Variants in PRDM11 observed in about 807,000 individuals in gnomAD.
The protein encoded by PRDM11 is PR/SET domain 11, also known as PR domain-containing protein 11.
Under a neutral mutation model 97.8 loss-of-function variants are expected in PRDM11, and 20 were observed. The observed-to-expected ratio is 0.20, with a 90% CI of 0.14 to 0.30. The LOEUF is 0.30. PRDM11 is among the 10% of genes least tolerant of loss of function. The probability of loss-of-function intolerance (pLI) is 1.00; values close to 1 mark genes in which losing one functional copy is unlikely to be tolerated. For synonymous variants in PRDM11, 599 were observed against 637.7 expected, an observed-to-expected ratio of 0.94 and a Z score of 0.91; for missense variants, 1,139 against 1,555.2, an observed-to-expected ratio of 0.73 and a Z score of 4.50.
rs1395428644 is a variant in PRDM11 at position 45,230,593 on chromosome 11, G to A, written c.*2434G>A. 1 of 152,270 alleles carries A rather than the reference G, an allele frequency of 6.6e-6. No individual in the cohort carries two copies. Among genetic ancestry groups the A allele is most frequent in the Admixed American group, 6.5e-5 (1 of 15,288 alleles). The allele number at this position is 152,270 out of a possible 1,614,324, so 9.4% of individuals were successfully genotyped here. On this transcript the variant is annotated 3_prime_UTR_variant, in exon 8 of 8. Coordinates refer to ENST00000683152, the MANE Select transcript of PRDM11 (RefSeq NM_001384648.1). ...ACACGCAAACTGCTGTGTCTGGGGA[G>A]TTTTCACTGAACATTGCAGAGACTA...
At chr11:45,173,099 A>G (rs902268645) in intron 1 of PRDM11, among the ~76,000 whole-genome samples, 1 of 152,212 alleles carries the variant, frequency 6.6e-6, no homozygotes. Context: ...ATTAAAGGCC[A>G]GGTTCCTGAT....
At position 45,226,576 on chromosome 11, in the gene PRDM11, C is replaced by T. The variant is rs771894982; in HGVS notation, c.1951C>T (p.Arg651Cys). Residue 651 changes from arginine to cysteine, a missense_variant, in exon 8 of 8, where the codon CGC (arginine) becomes TGC (cysteine). By Grantham distance (180) the Arg-to-Cys change is radical. Transcript: ENST00000683152. ...ARALREDLVE[R>C]IRQSPCLSVI... ...GGCCCTGCGGGAAGACCTGGTGGAGCGCATCCGCCAGTCACCTTGCCTCAG... is the reference window on the plus strand; with the variant it reads ...GGCCCTGCGGGAAGACCTGGTGGAGTGCATCCGCCAGTCACCTTGCCTCAG... 1 of 1,533,938 alleles carries T rather than the reference C, an allele frequency of 6.5e-7. No homozygotes were observed. The highest frequency in any genetic ancestry group is 8.7e-7 in the Non-Finnish European group (1 of 1,146,726).
intron 1 of PRDM11, among the ~76,000 whole-genome samples, chr11:45,096,245 T>G (rs767325432): frequency 3.9e-5 from 6 of 152,208 alleles, no homozygotes; most frequent in African/African-American, 1.4e-4. Flanking sequence ...ACCTGGCACA[T>G]AGTAAATGCT....
At chr11:45,115,711 C>T (rs1269657436) in intron 1 of PRDM11, among the ~76,000 whole-genome samples, 1 of 151,980 alleles carries the variant, frequency 6.6e-6, no homozygotes, top group African/African-American at 2.4e-5. Context: ...GGGTGGATCA[C>T]CTGACGTCAG....
intron 1 of PRDM11, among the ~76,000 whole-genome samples, chr11:45,164,177 G>A (rs940144582): frequency 7.9e-5 from 12 of 152,220 alleles, no homozygotes; most frequent in African/African-American, 1.9e-4. Flanking sequence ...AGCACCCCGC[G>A]GGTCCCCGGT....
intron 4 of PRDM11, among the ~76,000 whole-genome samples, chr11:45,194,417 G>A (rs1220038540): frequency 6.6e-6 from 1 of 152,014 alleles, no homozygotes; most frequent in African/African-American, 2.4e-5. Flanking sequence ...GTTGAACTAG[G>A]CTCTCTGAAC....
At position 45,226,429 on chromosome 11, in the gene PRDM11, G is replaced by A; in HGVS notation, c.1804G>A (p.Glu602Lys). The A allele has an allele frequency of 6.5e-7, 1 of 1,534,000 alleles. No individual in the cohort carries two copies. Among genetic ancestry groups the A allele is most frequent in the Non-Finnish European group, 8.7e-7 (1 of 1,146,748 alleles). Residue 602 changes from glutamate (E) to lysine (K), a missense_variant, in exon 8 of 8, where the codon GAG becomes AAG. Coordinates refer to ENST00000683152, the MANE Select transcript of PRDM11 (RefSeq NM_001384648.1). ...LFNTAYHLAL[E>K]GRPYLDFRPL... ...CAACACCGCCTACCACCTGGCCTTGGAGGGCAGGCCCTACCTGGACTTCCG... is the reference window on the plus strand; with the variant it reads ...CAACACCGCCTACCACCTGGCCTTGAAGGGCAGGCCCTACCTGGACTTCCG...
chr11:45,169,672 G>T (rs1220999578), intron 1 of PRDM11, among the ~76,000 whole-genome samples: 1 of 152,070 alleles, frequency 6.6e-6, no homozygotes, highest in African/African-American at 2.4e-5. Context: ...AGAACACTAG[G>T]CATAAATGGG....
At chr11:45,217,667 G>A (rs1304319860) in intron 5 of PRDM11, among the ~76,000 whole-genome samples, 1 of 152,234 alleles carries the variant, frequency 6.6e-6, no homozygotes, top group African/African-American at 2.4e-5. Context: ...CTCCTTGGAA[G>A]GCAACAGCCT....
At chr11:45,191,459 C>T (rs1852910501) in intron 4 of PRDM11, among the ~76,000 whole-genome samples, 1 of 152,166 alleles carries the variant, frequency 6.6e-6, no homozygotes, top group Admixed American at 6.5e-5. Context: ...TCAACCTTCA[C>T]CCCCACTCAA....
upstream of PRDM11, among the ~76,000 whole-genome samples, chr11:45,144,701 T>C (rs965303355): frequency 1.3e-5 from 2 of 152,244 alleles, no homozygotes; most frequent in African/African-American, 4.8e-5. Context: ...TCTTTGCTTC[T>C]GCTCTTTGCC....
chr11:45,095,857 G>T (rs1851881645), exon 1 of PRDM11: 1 of 780,236 alleles, frequency 1.3e-6, no homozygotes, highest in Admixed American at 1.7e-5. Context: ...GGAGTGCCGG[G>T]CCTGCCTGAG....
chr11:45,163,308 T>A (rs1298054166), intron 1 of PRDM11, among the ~76,000 whole-genome samples: 5 of 152,232 alleles, frequency 3.3e-5, no homozygotes. Flanking sequence ...ATGCACACAT[T>A]TTTCATTTCG....
chr11:45,129,859 C>T (rs542598338), intron 1 of PRDM11, among the ~76,000 whole-genome samples: 46 of 152,178 alleles, frequency 3.0e-4, no homozygotes, highest in African/African-American at 1.1e-3. Context: ...TTGGAGGACT[C>T]GTACCATCAG....
chr11:45,226,021 G>A lies in PRDM11; in HGVS notation c.1396G>A (p.Ala466Thr), dbSNP rs1338641839. 1.5e-5 allele frequency: 23 copies of A among 1,506,546 alleles called. No individual in the cohort carries two copies. The highest frequency in any genetic ancestry group is 1.2e-4 in the African/African-American group (9 of 72,350). 93.3% of individuals were successfully genotyped at this position (1,506,546 alleles called of 1,614,324 possible). A position where few individuals can be genotyped will look rare whatever the true frequency, so the allele number is the denominator to read the frequency against. Residue 466 changes from alanine (A) to threonine (T), a missense_variant, in exon 8 of 8, where the codon GCC becomes ACC. Coordinates refer to ENST00000683152, the MANE Select transcript of PRDM11 (RefSeq NM_001384648.1). The stretch of plus-strand genomic sequence containing the variant: ...CTCAGAAAGCATGGTCTCCGGCCCC[G>A]CCATCATGGAGGATGATGACCAGGA... Reference protein sequence around the residue: ...AASESMVSGPAIMEDDDQEVD... With the variant: ...AASESMVSGPTIMEDDDQEVD...
upstream of PRDM11, among the ~76,000 whole-genome samples, chr11:45,143,962 C>T (rs1022516012): frequency 6.6e-6 from 1 of 152,164 alleles, no homozygotes; most frequent in Non-Finnish European, 1.5e-5. Context: ...CCTCACAAGA[C>T]GTGCTTTGTC....
intron 1 of PRDM11, among the ~76,000 whole-genome samples, chr11:45,115,928 C>CAA (rs1179136677): frequency 0.012 from 692 of 56,536 alleles, 9 homozygotes; most frequent in African/African-American, 0.046. Context: ...AACTCCATCT[C>CAA]AAAAAAAAAA....
chr11:45,129,634 A>C (rs992194821), intron 1 of PRDM11, among the ~76,000 whole-genome samples: 1 of 152,182 alleles, frequency 6.6e-6, no homozygotes, highest in Non-Finnish European at 1.5e-5. Context: ...AATAAGACCT[A>C]AACACATGGA....
In PRDM11 at chr11:45,229,117, G is replaced by T. The variant is rs1025769488; in HGVS notation, c.*958G>T. 6.6e-6 allele frequency: 1 copy of T among 152,110 alleles called. No individual in the cohort carries two copies. The highest frequency in any genetic ancestry group is 1.5e-5 in the Non-Finnish European group (1 of 68,018). 9.4% of individuals were successfully genotyped at this position (152,110 alleles called of 1,614,324 possible). A position where few individuals can be genotyped will look rare whatever the true frequency, so the allele number is the denominator to read the frequency against. ...GGAGTGATTTTTGGCTAAAAAACAA[G>T]GAAAATGAAAAGTACATATTCGAGT... On this transcript the variant is annotated 3_prime_UTR_variant, in exon 8 of 8. Coordinates refer to ENST00000683152, the MANE Select transcript of PRDM11 (RefSeq NM_001384648.1).
Sources: allele counts gnomAD v4.1 joint callset (sites outside exome capture counted in the v4.1 genomes callset), GRCh38; gene constraint gnomAD v4.1.1; transcripts MANE v1.5; gene names NCBI Gene and HGNC (gene_info 2026-07-23, HGNC 2026-07-21).